Variants in TET3 observed in about 807,000 individuals in gnomAD.
TET3 encodes the protein methylcytosine dioxygenase TET3.
TET3 carries 19 observed loss-of-function variants against 141.4 expected under a neutral mutation model. The ratio of observed to expected loss-of-function variants is 0.13; its 90% CI spans 0.09 to 0.20. The LOEUF (loss-of-function observed/expected upper bound fraction) is 0.20. TET3 is among the 10% of genes least tolerant of loss of function. The probability of loss-of-function intolerance (pLI) is 1.00; values close to 1 mark genes in which losing one functional copy is unlikely to be tolerated. For synonymous variants in TET3, 1,043 were observed against 980.9 expected (o/e 1.06, Z -1.18); for missense variants, 1,874 against 2,356.9 (o/e 0.80, Z 4.24).
At chr2:74,016,298 G>A (rs1471383650) in intron 3 of TET3, among the ~76,000 whole-genome samples, 1 of 148,936 alleles carries the variant, frequency 6.7e-6, no homozygotes, top group African/African-American at 2.5e-5. Context: ...GCAAGACCCT[G>A]TCTCTTTAAA....
In TET3 at chr2:74,047,410, C is replaced by T. The variant is rs1687692672; in HGVS notation, c.1493C>T (p.Ser498Phe). 1 of 1,612,432 alleles carries T rather than the reference C, an allele frequency of 6.2e-7. No homozygotes were observed. The highest frequency in any genetic ancestry group is 1.1e-5 in the South Asian group (1 of 90,884). Residue 498 changes from serine (S) to phenylalanine (F), a missense_variant, in exon 4 of 12, where the codon TCC becomes TTC. Ser to Phe is a radical substitution (Grantham distance 155, BLOSUM62 -2). Coordinates refer to ENST00000409262, the MANE Select transcript of TET3 (RefSeq NM_001287491.2). ...PKVKVEAPSSSPAPAPSPVLQ... is the reference protein window; with the variant it reads ...PKVKVEAPSSFPAPAPSPVLQ... ...GTCAAGGTGGAGGCACCCTCTTCCTCCCCGGCCCCGGCCCCATCCCCTGTA... is the reference window on the plus strand; with the variant it reads ...GTCAAGGTGGAGGCACCCTCTTCCTTCCCGGCCCCGGCCCCATCCCCTGTA...
At chr2:74,035,804 G>A in intron 3 of TET3, among the ~76,000 whole-genome samples, 1 of 151,972 alleles carries the variant, frequency 6.6e-6, no homozygotes, top group Non-Finnish European at 1.5e-5. Flanking sequence ...TTGAGGCCAG[G>A]AGTTTGAGAC....
chr2:74,007,690 A>G (rs938505866), intron 3 of TET3, among the ~76,000 whole-genome samples: 5 of 152,190 alleles, frequency 3.3e-5, no homozygotes, highest in African/African-American at 7.2e-5. Flanking sequence ...TTCTGTCATT[A>G]GCCATGGGGA....
At chr2:73,994,032 A>G (rs753981634) in intron 2 of TET3, among the ~76,000 whole-genome samples, 1 of 152,168 alleles carries the variant, frequency 6.6e-6, no homozygotes, top group Non-Finnish European at 1.5e-5. Context: ...ATTACGTTGC[A>G]TGATAGAACA....
intron 4 of TET3, among the ~76,000 whole-genome samples, chr2:74,064,119 A>C (rs1351252901): frequency 1.3e-5 from 2 of 152,190 alleles, no homozygotes; most frequent in African/African-American, 4.8e-5. Context: ...GCTTTATACT[A>C]CTTAAAAAGC....
intron 3 of TET3, among the ~76,000 whole-genome samples, chr2:74,036,210 G>C (rs1687050297): frequency 1.3e-5 from 2 of 152,182 alleles, no homozygotes; most frequent in Non-Finnish European, 2.9e-5. Context: ...AGAGAGATTA[G>C]CTAACTTGCT....
At chr2:74,120,025 G>A in the TET3 span, among the ~76,000 whole-genome samples, 8 of 152,188 alleles carry the variant, frequency 5.3e-5, no homozygotes, top group Non-Finnish European at 4.4e-5. Flanking sequence ...GGTGTCAGCA[G>A]GAAAGACGTA....
chr2:74,101,412 T>G lies in TET3; in HGVS notation c.4624T>G (p.Phe1542Val), dbSNP rs768284103. ...GCCGTGGGCGCTGGGGGCAGGGGAT[T>G]TCAACTCGGCCCTGAAAGGTAGTCC... ...EKPWALGAGD[F>V]NSALKGSPGF... is the part of the protein sequence containing the mutation. Residue 1542 changes from phenylalanine to valine, a missense_variant, in exon 12 of 12, where the codon TTC (phenylalanine) becomes GTC (valine). Physicochemically the swap from Phe to Val is conservative, Grantham distance 50. Transcript: ENST00000409262. This position sits in a 1 kb window ranked among gnomAD's most constrained non-coding sequence, Gnocchi z 8.5. 1 of 1,613,806 alleles carries G rather than the reference T, an allele frequency of 6.2e-7. No individual in the cohort carries two copies. The highest frequency in any genetic ancestry group is 1.7e-5 in the Admixed American group (1 of 60,014).
chr2:73,985,470 G>C (rs1455245298), intron 1 of TET3, among the ~76,000 whole-genome samples: 1 of 144,592 alleles, frequency 6.9e-6, no homozygotes, highest in Admixed American at 6.8e-5. Flanking sequence ...GCCCCTCGGC[G>C]GCGCGGGCCG....
intron 3 of TET3, among the ~76,000 whole-genome samples, chr2:74,027,909 C>A (rs751204453): frequency 1.3e-5 from 2 of 151,900 alleles, no homozygotes; most frequent in Non-Finnish European, 2.9e-5. Flanking sequence ...GTTATCTCTT[C>A]TATATGAGTT....
At chr2:73,993,577 A>G (rs536459965) in intron 2 of TET3, 1 of 152,370 alleles carries the variant, frequency 6.6e-6, no homozygotes, top group South Asian at 2.1e-4. Flanking sequence ...AAGTGCCAGC[A>G]GGGTAAAGAG....
At chr2:74,126,860 G>C in the TET3 span, among the ~76,000 whole-genome samples, 1 of 152,110 alleles carries the variant, frequency 6.6e-6, no homozygotes, top group South Asian at 2.1e-4. Context: ...TTAATAATAT[G>C]ATTAATTTTA....
At position 74,101,804 on chromosome 2, in the gene TET3, G is replaced by A; in HGVS notation, c.5016G>A (p.Leu1672=). ...TCATCGAGTGTGCCCGGCGGGAGCT[G>A]CACGCCACCACGCCGCTTAAGAAGC... The part of the protein sequence containing the change: ...SILIECARRE[L]HATTPLKKPN... The change falls in exon 12 of 12, where the codon CTG becomes CTA. Residue 1672 remains leucine (L), a synonymous_variant. Transcript: ENST00000409262. This position sits in a 1 kb window ranked among gnomAD's most constrained non-coding sequence, Gnocchi z 8.5. The A allele has an allele frequency of 6.2e-7, 1 of 1,612,984 alleles. No individual in the cohort carries two copies. Among genetic ancestry groups the A allele is most frequent in the African/African-American group, 1.3e-5 (1 of 75,046 alleles).
chr2:74,124,535 A>C, the TET3 span, among the ~76,000 whole-genome samples: 1 of 152,334 alleles, frequency 6.6e-6, no homozygotes, highest in Admixed American at 6.5e-5. Context: ...GTTACTGTGT[A>C]GGTGTAGAAA....
rs774916150 is a variant in TET3, at chr2:74,047,063, C to G, written c.1146C>G (p.Cys382Trp). The change falls in exon 4 of 12, where the codon TGC (cysteine) becomes TGG (tryptophan). Residue 382 changes from cysteine to tryptophan, a missense_variant. Physicochemically the swap from Cys to Trp is radical, Grantham distance 215. This residue lies in a region of TET3 where 484 missense variants were observed against 462.2 expected (regional missense o/e 1.05). Coordinates refer to ENST00000409262, the MANE Select transcript of TET3 (RefSeq NM_001287491.2). ...QPSHSTPQAS[C>W]PLPEALSPPA... ...CTCATTCCACCCCCCAGGCTTCTTG[C>G]CCCCTTCCTGAGGCCTTGTCACCTC... The G allele has an allele frequency of 1.2e-6, 2 of 1,613,974 alleles. No homozygotes were observed. The highest frequency in any genetic ancestry group is 3.3e-5 in the Admixed American group (2 of 60,038).
chr2:74,018,055 C>T (rs895796223), intron 3 of TET3, among the ~76,000 whole-genome samples: 2 of 150,722 alleles, frequency 1.3e-5, no homozygotes, highest in Admixed American at 6.6e-5. Flanking sequence ...GCAACCTCCT[C>T]CTCCCGGATT....
chr2:74,017,542 T>G (rs992665704), intron 3 of TET3, among the ~76,000 whole-genome samples: 1 of 152,230 alleles, frequency 6.6e-6, no homozygotes, highest in African/African-American at 2.4e-5. Flanking sequence ...TCCAAGCTCA[T>G]CCATGTTGCC....
At chr2:74,122,457 A>ATATATGTGTGTGTGTG in the TET3 span, 1 of 127,502 alleles carries the variant, frequency 7.8e-6, no homozygotes, top group East Asian at 2.5e-4. Flanking sequence ...AAATATATAT[A>ATATATGTGTGTGTGTG]TGTGTGTGTG....
At chr2:74,119,513 A>G in the TET3 span, among the ~76,000 whole-genome samples, 3 of 152,278 alleles carry the variant, frequency 2.0e-5, no homozygotes, top group East Asian at 5.8e-4. Flanking sequence ...TGTTCCTCAC[A>G]CCAGGAGGCA....
Sources: gnomAD v4.1 joint callset for allele counts (sites outside exome capture counted in the v4.1 genomes callset) on GRCh38, gnomAD v4.1.1 for gene constraint, gnomAD v4.1.1 regional missense constraint, Gnocchi (gnomAD v3.1) non-coding constraint, MANE v1.5 for transcripts, NCBI Gene and HGNC (gene_info 2026-07-23, HGNC 2026-07-21) for gene names.